The following FAM13A variants were observed in gnomAD, a reference collection of about 807,000 sequenced individuals.
FAM13A encodes family with sequence similarity 13 member A, also known as protein FAM13A.
Under a neutral mutation model 129.6 loss-of-function variants are expected in FAM13A, and 76 were observed. The observed-to-expected ratio is 0.59, with a 90% CI of 0.49 to 0.71. The LOEUF (loss-of-function observed/expected upper bound fraction) is 0.71. Ranked by LOEUF, FAM13A falls within the 30% of genes least tolerant of loss-of-function variation. The pLI is 0.00. For synonymous variants in FAM13A, 443 were observed against 449.9 expected (o/e 0.98, Z 0.20); for missense variants, 1,108 against 1,249.3 (o/e 0.89, Z 1.70).
chr4:89,010,190 C>T (rs1579754670), intron 3 of FAM13A, among the ~76,000 whole-genome samples: 1 of 152,048 alleles, frequency 6.6e-6, no homozygotes. Context: ...AATTTGTAAC[C>T]CTGCTAAACT....
At chr4:88,775,279 T>C (rs1721453221) in intron 11 of FAM13A, among the ~76,000 whole-genome samples, 1 of 152,132 alleles carries the variant, frequency 6.6e-6, no homozygotes, top group African/African-American at 2.4e-5. Flanking sequence ...GATGAAGTCA[T>C]AGCACAGGGA....
intron 4 of FAM13A, among the ~76,000 whole-genome samples, chr4:88,980,610 A>T (rs972240961): frequency 6.6e-6 from 1 of 152,312 alleles, no homozygotes; most frequent in East Asian, 1.9e-4. Context: ...CTAAAAATTA[A>T]GGGAAAAATT....
chr4:88,882,019 C>T (rs752147403), intron 6 of FAM13A, among the ~76,000 whole-genome samples: 6 of 151,936 alleles, frequency 3.9e-5, no homozygotes, highest in Non-Finnish European at 7.4e-5. Flanking sequence ...TTGTTGTTCC[C>T]GAGGAAGATG....
intron 6 of FAM13A, among the ~76,000 whole-genome samples, chr4:88,897,677 C>G (rs1351687918): frequency 6.6e-6 from 1 of 152,122 alleles, no homozygotes; most frequent in Non-Finnish European, 1.5e-5. Flanking sequence ...ACCATTAATA[C>G]CAAGGATAGG....
In FAM13A at chr4:88,767,276, C is replaced by T. The variant is rs1377234248; in HGVS notation, c.1578+277G>A. ...TGGAAAATAAAACCAGTAGCTTTGG[C>T]TTTTTGTTTTGTTTTACTTTATAGA... On this transcript the variant is annotated intron_variant, in intron 13 of 23. Transcript: ENST00000264344. Among the ~76,000 whole-genome samples, 5 of 152,098 alleles carry T rather than the reference C, an allele frequency of 3.3e-5. No individual in the cohort carries two copies. In the East Asian group the frequency reaches 9.6e-4, roughly 29 times the overall value.
intron 7 of FAM13A, among the ~76,000 whole-genome samples, chr4:88,822,138 A>T (rs1163757089): frequency 6.6e-6 from 1 of 152,170 alleles, no homozygotes; most frequent in Non-Finnish European, 1.5e-5. Context: ...TTTCTATGGA[A>T]TGAAATGCCA....
chr4:88,890,280 C>T (rs897974829), intron 6 of FAM13A, among the ~76,000 whole-genome samples: 4 of 152,162 alleles, frequency 2.6e-5, no homozygotes, highest in Non-Finnish European at 5.9e-5. Context: ...AGGGAAGATA[C>T]ACAAGAGGAG....
intron 19 of FAM13A, among the ~76,000 whole-genome samples, chr4:88,746,728 G>A (rs1344793914): frequency 6.6e-6 from 1 of 152,034 alleles, no homozygotes; most frequent in African/African-American, 2.4e-5. Flanking sequence ...ACCCAAGTAA[G>A]TTCCACATCT....
rs569941129 is a variant in FAM13A at position 88,889,610 on chromosome 4, C to T, written c.843+16769G>A. On this transcript the variant is annotated intron_variant, in intron 6 of 23. Transcript: ENST00000264344. ...CTGGAAGATGACATTTCCCAGACTTCCAAGAATGTTACTGAGTTCTGGAAT... is the reference window on the plus strand; with the variant it reads ...CTGGAAGATGACATTTCCCAGACTTTCAAGAATGTTACTGAGTTCTGGAAT... Among the ~76,000 whole-genome samples, 5 of 152,268 alleles carry T rather than the reference C, an allele frequency of 3.3e-5. No homozygotes were observed. The South Asian group carries it at 1.0e-3, about 32-fold the overall frequency.
intron 1 of FAM13A, among the ~76,000 whole-genome samples, chr4:89,051,637 G>C (rs187749913): frequency 6.6e-6 from 1 of 152,134 alleles, no homozygotes; most frequent in East Asian, 1.9e-4. Context: ...TAAGACTCAA[G>C]GTACAATTCA....
intron 7 of FAM13A, among the ~76,000 whole-genome samples, chr4:88,847,948 G>A (rs2149970619): frequency 6.9e-6 from 1 of 144,308 alleles, no homozygotes; most frequent in Middle Eastern, 3.6e-3. Flanking sequence ...GTGAGACTCT[G>A]TCCCAAAAAA....
chr4:88,876,715 C>T (rs1561227368), intron 6 of FAM13A, among the ~76,000 whole-genome samples: 1 of 152,052 alleles, frequency 6.6e-6, no homozygotes. Flanking sequence ...CCTCGGCCTC[C>T]CAAGTAGCTG....
chr4:89,042,241 C>G (rs1257888880), intron 1 of FAM13A, among the ~76,000 whole-genome samples: 1 of 151,988 alleles, frequency 6.6e-6, no homozygotes, highest in Non-Finnish European at 1.5e-5. Flanking sequence ...AGCAGCAACC[C>G]AGAAGCTAAG....
At chr4:88,867,902 C>A (rs889013451) in intron 6 of FAM13A, among the ~76,000 whole-genome samples, 1 of 152,030 alleles carries the variant, frequency 6.6e-6, no homozygotes, top group African/African-American at 2.4e-5. Context: ...GCTCAAAGGG[C>A]AACACGCAAT....
intron 7 of FAM13A, among the ~76,000 whole-genome samples, chr4:88,846,813 T>C (rs1736722194): frequency 6.6e-6 from 1 of 152,236 alleles, no homozygotes; most frequent in Non-Finnish European, 1.5e-5. Flanking sequence ...GAGAAAGATT[T>C]TGTGGGCTCT....
chr4:88,884,370 C>T (rs1471090906), intron 6 of FAM13A, among the ~76,000 whole-genome samples: 2 of 152,104 alleles, frequency 1.3e-5, no homozygotes, highest in Non-Finnish European at 2.9e-5. Context: ...AAATGTGATA[C>T]ACCACATAAA....
chr4:88,892,249 G>A (rs1350297701), intron 6 of FAM13A, among the ~76,000 whole-genome samples: 1 of 143,612 alleles, frequency 7.0e-6, no homozygotes, highest in African/African-American at 2.6e-5. Flanking sequence ...GCGAGATCTC[G>A]GCTCACTGCA....
chr4:88,778,209 T>C, intron 11 of FAM13A, among the ~76,000 whole-genome samples: 1 of 152,158 alleles, frequency 6.6e-6, no homozygotes, highest in East Asian at 1.9e-4. Context: ...CTAATATCTC[T>C]TCTCTTAGAT....
intron 3 of FAM13A, chr4:89,009,132 C>G (rs1341386858): frequency 6.6e-6 from 1 of 152,128 alleles, no homozygotes. Context: ...TTAATAAAGT[C>G]TCCACCACGA....
Sources: gnomAD v4.1 joint callset for allele counts (sites outside exome capture counted in the v4.1 genomes callset) on GRCh38, gnomAD v4.1.1 for gene constraint, MANE v1.5 for transcripts, NCBI Gene and HGNC (gene_info 2026-07-23, HGNC 2026-07-21) for gene names.